Variants in ADCK2 observed in about 807,000 individuals in gnomAD.
ADCK2 encodes the protein uncharacterized aarF domain-containing protein kinase 2.
ADCK2 carries 37 observed loss-of-function variants against 52.3 expected under a neutral mutation model. The ratio of observed to expected loss-of-function variants is 0.71; its 90% CI spans 0.54 to 0.93. The LOEUF is 0.93. Among genes scored for constraint, ADCK2 ranks in the 40% least tolerant of loss-of-function variants. The pLI, the probability that ADCK2 is intolerant of heterozygous loss-of-function variation, is 0.00. For missense variants in ADCK2, 695 were observed against 798.7 expected (o/e 0.87, Z 1.56); for synonymous variants, 321 against 349.2 (o/e 0.92, Z 0.90).
chr7:140,694,442 C>G (rs1227505661), intron 7 of ADCK2, among the ~76,000 whole-genome samples: 1 of 152,132 alleles, frequency 6.6e-6, no homozygotes, highest in African/African-American at 2.4e-5. Context: ...ATATTCCGCA[C>G]CCCTAGATTT....
At chr7:140,690,678 G>C (rs1283308338) in intron 6 of ADCK2, 82 bp from the exon 7 acceptor site, 3 of 1,329,966 alleles carry the variant, frequency 2.3e-6, no homozygotes, top group Non-Finnish European at 3.2e-6. Flanking sequence ...GGGATGCTGG[G>C]GCTGAGAGTG....
intron 4 of ADCK2, among the ~76,000 whole-genome samples, chr7:140,683,735 T>G (rs977499791): frequency 6.6e-6 from 1 of 152,158 alleles, no homozygotes; most frequent in Non-Finnish European, 1.5e-5. Context: ...TCTGGAGACA[T>G]TCTTGGTTGT....
At position 140,689,634 on chromosome 7, in the gene ADCK2, G is replaced by T. The variant is rs202086095; in HGVS notation, c.1595G>T (p.Arg532Leu). Reference protein sequence around the residue: ...RVAELILHHARASECRDVEGF... With the variant: ...RVAELILHHALASECRDVEGF... The stretch of plus-strand genomic sequence containing the variant: ...GCTGAGCTGATCCTGCATCATGCCC[G>T]GGCCAGCGAGTGCAGGGACGTGGAG... Residue 532 changes from arginine to leucine, a missense_variant, in exon 6 of 8, where the codon CGG becomes CTG. Arg to Leu is a moderately radical substitution (Grantham distance 102, BLOSUM62 -2). Transcript: ENST00000072869. 1.9e-6 allele frequency: 3 copies of T among 1,612,168 alleles called. No homozygotes were observed. The highest frequency in any genetic ancestry group is 2.7e-5 in the African/African-American group (2 of 74,774).
At chr7:140,692,184 G>C (rs927533223) in intron 7 of ADCK2, among the ~76,000 whole-genome samples, 1 of 152,162 alleles carries the variant, frequency 6.6e-6, no homozygotes, top group African/African-American at 2.4e-5. Flanking sequence ...CCATTGACCA[G>C]CTCCCCATTC....
Position 140,673,910 on chromosome 7 carries a change from T to A in ADCK2, c.580T>A (p.Trp194Arg), listed in dbSNP as rs1162335135. Reference sequence around the variant, plus strand: ...CCTTCGGCAGGCTTTTGGGGATGACTGGGGGAGCATCCTCTCTTTTGAGAA... The same window carrying A: ...CCTTCGGCAGGCTTTTGGGGATGACAGGGGGAGCATCCTCTCTTTTGAGAA... ...RFLRQAFGDD[W>R]GSILSFENRE... The change falls in exon 1 of 8, where the codon TGG becomes AGG. Residue 194 changes from tryptophan to arginine, a missense_variant. By Grantham distance (101) the Trp-to-Arg change is moderately radical. Transcript: ENST00000072869. The surrounding 1 kb of genome is among the most constrained non-coding windows in gnomAD (Gnocchi z 6.4). 3 of 1,613,830 alleles carry A rather than the reference T, an allele frequency of 1.9e-6. No individual in the cohort carries two copies. The highest frequency in any genetic ancestry group is 2.5e-6 in the Non-Finnish European group (3 of 1,180,050).
In ADCK2 at chr7:140,673,253, T is replaced by A. The variant is rs1393563702; in HGVS notation, c.-78T>A. 4 of 1,282,600 alleles carry A rather than the reference T, an allele frequency of 3.1e-6. No individual in the cohort carries two copies. In the Admixed American group the frequency reaches 1.4e-4, roughly 46 times the overall value. The allele number at this position is 1,282,600 out of a possible 1,614,324, so 79.5% of individuals were successfully genotyped here. ...CCGTCCGCGGGGTCAGGGCCGGGCT[T>A]CGGCTTCACCGCAGCCTCGCCTGAG... On this transcript the variant is annotated 5_prime_UTR_variant, in exon 1 of 8. Coordinates refer to ENST00000072869, the MANE Select transcript of ADCK2 (RefSeq NM_052853.4). This position sits in a 1 kb window ranked among gnomAD's most constrained non-coding sequence, Gnocchi z 6.4.
rs749250545 is a variant in ADCK2, at chr7:140,674,565, T to G, written c.934-46T>G. The G allele has an allele frequency of 6.3e-7, 1 of 1,582,882 alleles. No individual in the cohort carries two copies. Among genetic ancestry groups the G allele is most frequent in the East Asian group, 2.3e-5 (1 of 44,260 alleles). ...GGGACCCAGCCCTGGCTGGGTAAAA[T>G]GTGTCCAGCAGGTTTCTCCTGTCTC... On this transcript the variant is annotated intron_variant, in intron 1 of 7. Transcript: ENST00000072869. This position sits in a 1 kb window ranked among gnomAD's most constrained non-coding sequence, Gnocchi z 4.6.
Position 140,678,340 on chromosome 7 carries a change from C to A in ADCK2, c.1081-815C>A, listed in dbSNP as rs1794457123. 6.6e-6 allele frequency among the ~76,000 whole-genome samples: 1 copy of A among 151,788 alleles called. No homozygotes were observed. The highest frequency in any genetic ancestry group is 1.5e-5 in the Non-Finnish European group (1 of 67,934). ...CACAGAGCTTCAGGGTCTCTGGGCT[C>A]CCACCGGGCCACATCCAGGTGTCAT... is the stretch of plus-strand genomic sequence containing the variant. On this transcript the variant is annotated intron_variant, in intron 2 of 7. Coordinates refer to ENST00000072869, the MANE Select transcript of ADCK2 (RefSeq NM_052853.4). The surrounding 1 kb of genome is among the most constrained non-coding windows in gnomAD (Gnocchi z 4.9).
Position 140,673,797 on chromosome 7 carries a change from G to A in ADCK2, c.467G>A (p.Arg156His), listed in dbSNP as rs376548364. The A allele has an allele frequency of 3.7e-6, 6 of 1,613,286 alleles. No individual in the cohort carries two copies. Among genetic ancestry groups the A allele is most frequent in the African/African-American group, 2.7e-5 (2 of 74,692 alleles). ...CTGGGCCAGTGGGCCAGCACCCGGC[G>A]CGATCTGTTTTCGGAGGCTTTCTGT... is the stretch of plus-strand genomic sequence containing the variant. ...IKLGQWASTR[R>H]DLFSEAFCAQ... Residue 156 changes from arginine (R) to histidine (H), a missense_variant, in exon 1 of 8, where the codon CGC (arginine) becomes CAC (histidine). Coordinates refer to ENST00000072869, the MANE Select transcript of ADCK2 (RefSeq NM_052853.4). The surrounding 1 kb of genome is among the most constrained non-coding windows in gnomAD (Gnocchi z 6.4).
At position 140,673,909 on chromosome 7, in the gene ADCK2, C is replaced by CT; in HGVS notation, c.580dup (p.Trp194LeufsTer8). 1 of 1,613,970 alleles carries CT rather than the reference C, an allele frequency of 6.2e-7. No homozygotes were observed. The highest frequency in any genetic ancestry group is 8.5e-7 in the Non-Finnish European group (1 of 1,180,038). The stretch of plus-strand genomic sequence containing the variant: ...TCCTTCGGCAGGCTTTTGGGGATGA[C>CT]TGGGGGAGCATCCTCTCTTTTGAGA... On this transcript the variant is annotated frameshift_variant, in exon 1 of 8. Coordinates refer to ENST00000072869, the MANE Select transcript of ADCK2 (RefSeq NM_052853.4). LOFTEE classifies it high-confidence loss of function. This position sits in a 1 kb window ranked among gnomAD's most constrained non-coding sequence, Gnocchi z 6.4.
At chr7:140,680,998 A>G in intron 3 of ADCK2, 44 bp from the exon 4 acceptor site, 1 of 1,584,610 alleles carries the variant, frequency 6.3e-7, no homozygotes, top group Non-Finnish European at 8.7e-7. Context: ...CCAGCATCAC[A>G]GGCTGGCTGG....
At chr7:140,683,974 A>G (rs1035819720) in intron 4 of ADCK2, among the ~76,000 whole-genome samples, 2 of 152,150 alleles carry the variant, frequency 1.3e-5, no homozygotes. Flanking sequence ...TGGGAGTAGG[A>G]TGCAGAGGGC....
Position 140,673,544 on chromosome 7 carries a change from T to C in ADCK2, c.214T>C (p.Cys72Arg), listed in dbSNP as rs917101846. The C allele has an allele frequency of 1.9e-6, 3 of 1,600,938 alleles. No homozygotes were observed. The highest frequency in any genetic ancestry group is 2.2e-5 in the East Asian group (1 of 44,710). The change falls in exon 1 of 8, where the codon TGC becomes CGC. Residue 72 changes from cysteine (C) to arginine (R), a missense_variant. Physicochemically the swap from Cys to Arg is radical, Grantham distance 180. Coordinates refer to ENST00000072869, the MANE Select transcript of ADCK2 (RefSeq NM_052853.4). This position sits in a 1 kb window ranked among gnomAD's most constrained non-coding sequence, Gnocchi z 6.4. ...CGTTCTGAGTCGGCGAAGGGTCCGC[T>C]GCAGCGGGGCGGCTGGCGCGGGGCC... is the stretch of plus-strand genomic sequence containing the variant. ...PDVLSRRRVR[C>R]SGAAGAGPAE... is the part of the protein sequence containing the mutation.
chr7:140,684,414 C>T (rs1794570539), intron 4 of ADCK2, among the ~76,000 whole-genome samples: 1 of 152,084 alleles, frequency 6.6e-6, no homozygotes, highest in South Asian at 2.1e-4. Flanking sequence ...GTTAGCAGCC[C>T]CCATGCAGGA....
chr7:140,687,467 C>T (rs1177214595), intron 5 of ADCK2, among the ~76,000 whole-genome samples: 4 of 152,084 alleles, frequency 2.6e-5, no homozygotes, highest in Non-Finnish European at 5.9e-5. Context: ...GTAATCTCAG[C>T]ACTTTGGGAG....
At chr7:140,687,343 C>G (rs765122371) in intron 5 of ADCK2, 102 bp downstream of exon 5, 29 of 1,422,828 alleles carry the variant, frequency 2.0e-5, no homozygotes, top group Non-Finnish European at 2.7e-5. Flanking sequence ...ACTTTGGAAG[C>G]CTGAGCGGGG....
In ADCK2 at chr7:140,673,249, G is replaced by A; in HGVS notation, c.-82G>A. 1 of 1,253,846 alleles carries A rather than the reference G, an allele frequency of 8.0e-7. No homozygotes were observed. Among genetic ancestry groups the A allele is most frequent in the Non-Finnish European group, 1.0e-6 (1 of 958,776 alleles). 77.7% of individuals were successfully genotyped at this position (1,253,846 alleles called of 1,614,324 possible). Reference sequence around the variant, plus strand: ...AGCTCCGTCCGCGGGGTCAGGGCCGGGCTTCGGCTTCACCGCAGCCTCGCC... The same window carrying A: ...AGCTCCGTCCGCGGGGTCAGGGCCGAGCTTCGGCTTCACCGCAGCCTCGCC... On this transcript the variant is annotated 5_prime_UTR_variant, in exon 1 of 8. Coordinates refer to ENST00000072869, the MANE Select transcript of ADCK2 (RefSeq NM_052853.4). This position sits in a 1 kb window ranked among gnomAD's most constrained non-coding sequence, Gnocchi z 6.4.
At position 140,693,763 on chromosome 7, in the gene ADCK2, G is replaced by A. The variant is rs541803538; in HGVS notation, c.1741-900G>A. Among the ~76,000 whole-genome samples the A allele has an allele frequency of 1.3e-5, 2 of 152,262 alleles. No homozygotes were observed. Among genetic ancestry groups the A allele is most frequent in the East Asian group, 3.9e-4 (2 of 5,176 alleles). On this transcript the variant is annotated intron_variant, in intron 7 of 7. Transcript: ENST00000072869. This position sits in a 1 kb window ranked among gnomAD's most constrained non-coding sequence, Gnocchi z 4.0. ...TTCACTCTGTTGCCCAGGCTGGAGT[G>A]CAGTGGAGCCATCCTGGCTCACTGC... is the stretch of plus-strand genomic sequence containing the variant.
intron 7 of ADCK2, among the ~76,000 whole-genome samples, chr7:140,691,269 A>G (rs191756283): frequency 2.2e-4 from 33 of 152,348 alleles, no homozygotes; most frequent in African/African-American, 6.0e-4. Context: ...GCCATTTGCA[A>G]CAAGTGCTTC....
Sources: allele counts gnomAD v4.1 joint callset (sites outside exome capture counted in the v4.1 genomes callset), GRCh38; gene constraint gnomAD v4.1.1; non-coding constraint Gnocchi (gnomAD v3.1); transcripts MANE v1.5; gene names NCBI Gene and HGNC (gene_info 2026-07-23, HGNC 2026-07-21).